Variants in SHC3 observed in about 807,000 individuals in gnomAD.
The protein encoded by SHC3 is SHC-transforming protein 3.
In SHC3, 15 loss-of-function variants were observed where a neutral mutation model predicts 60.4. The ratio of observed to expected loss-of-function variants is 0.25; its 90% confidence interval spans 0.17 to 0.38. The LOEUF is 0.38. Among genes scored for constraint, SHC3 ranks in the 10% least tolerant of loss-of-function variants. The probability of loss-of-function intolerance (pLI) is 1.00; values close to 1 mark genes in which losing one functional copy is unlikely to be tolerated. For missense variants in SHC3, 677 were observed against 786.1 expected (o/e 0.86, Z 1.66); for synonymous variants, 294 against 325.9 (o/e 0.90, Z 1.05).
chr9:89,056,270 G>A (rs528931450), intron 6 of SHC3, among the ~76,000 whole-genome samples: 39 of 152,032 alleles, frequency 2.6e-4, no homozygotes, highest in African/African-American at 8.2e-4. Context: ...TTTTGAGATG[G>A]AGTTTCACTC....
intron 1 of SHC3, among the ~76,000 whole-genome samples, chr9:89,143,169 T>C (rs1826419924): frequency 6.6e-6 from 1 of 152,210 alleles, no homozygotes. Flanking sequence ...TTTATGGTTA[T>C]TTCTTGATGA....
rs568512794 is a variant in SHC3 at position 89,069,483 on chromosome 9, C to T, written c.783+1716G>A. Among the ~76,000 whole-genome samples, 20 of 152,296 alleles carry T rather than the reference C, an allele frequency of 1.3e-4. No homozygotes were observed. The South Asian group carries it at 2.7e-3, about 21-fold the overall frequency. On this transcript the variant is annotated intron_variant, in intron 5 of 11. Transcript: ENST00000375835. The stretch of plus-strand genomic sequence containing the variant: ...TGTGGTTGACTTTTGACAAGAAGAT[C>T]GAAAGTATGAAAACAAGGCCCAAGC...
intron 1 of SHC3, among the ~76,000 whole-genome samples, chr9:89,161,137 T>C (rs1466060270): frequency 2.0e-5 from 3 of 152,144 alleles, no homozygotes; most frequent in Non-Finnish European, 4.4e-5. Flanking sequence ...CCAAATCTCA[T>C]GTTGAAATAT....
chr9:89,129,286 G>A (rs1056808596), intron 1 of SHC3, among the ~76,000 whole-genome samples: 1 of 152,200 alleles, frequency 6.6e-6, no homozygotes, highest in Non-Finnish European at 1.5e-5. Flanking sequence ...TCTGATTGGT[G>A]TACCTGAAAG....
chr9:89,162,345 C>T (rs1481399258), intron 1 of SHC3, among the ~76,000 whole-genome samples: 1 of 152,094 alleles, frequency 6.6e-6, no homozygotes, highest in African/African-American at 2.4e-5. Context: ...TCAAACTATA[C>T]TACAAGGCTA....
intron 6 of SHC3, among the ~76,000 whole-genome samples, chr9:89,059,734 G>C (rs1215510505): frequency 5.6e-5 from 4 of 71,398 alleles, no homozygotes; most frequent in Non-Finnish European, 8.9e-5. Flanking sequence ...CAGGACGGTG[G>C]TGGAGGACGT....
At chr9:89,140,918 T>G (rs998235772) in intron 1 of SHC3, among the ~76,000 whole-genome samples, 15 of 152,186 alleles carry the variant, frequency 9.9e-5, no homozygotes, top group African/African-American at 3.6e-4. Flanking sequence ...GGGAAAAAGA[T>G]AAAGCCCTTT....
chr9:89,087,036 A>T (rs1446168100), intron 2 of SHC3, among the ~76,000 whole-genome samples: 1 of 152,126 alleles, frequency 6.6e-6, no homozygotes. Context: ...CGTGGGTTCC[A>T]CCATGCATGC....
intron 1 of SHC3, among the ~76,000 whole-genome samples, chr9:89,130,995 A>G (rs1334363931): frequency 6.6e-6 from 1 of 152,198 alleles, no homozygotes; most frequent in East Asian, 1.9e-4. Context: ...GATCAACAAA[A>G]TTGATAGACC....
rs369540659 is a variant in SHC3, at chr9:89,089,993, C to T, written c.546-12090G>A. Among the ~76,000 whole-genome samples the T allele has an allele frequency of 8.5e-5, 13 of 152,338 alleles. 1 individual carries two copies. The highest frequency in any genetic ancestry group is 2.9e-4 in the African/African-American group (12 of 41,578). ...TTACCTGCCCTGCCTTTAAAAACCA[C>T]CCATGCACATCCTCAGGCCCACGAG... On this transcript the variant is annotated intron_variant, in intron 2 of 11. Coordinates refer to ENST00000375835, the MANE Select transcript of SHC3 (RefSeq NM_016848.6).
At chr9:89,095,412 T>G (rs183507004) in intron 2 of SHC3, among the ~76,000 whole-genome samples, 1 of 152,168 alleles carries the variant, frequency 6.6e-6, no homozygotes, top group African/African-American at 2.4e-5. Context: ...GTCAAATTCA[T>G]AGAGACAGAA....
intron 6 of SHC3, among the ~76,000 whole-genome samples, chr9:89,063,032 G>A (rs1441956602): frequency 6.6e-6 from 1 of 152,208 alleles, no homozygotes; most frequent in Admixed American, 6.5e-5. Flanking sequence ...CTCACACATG[G>A]TGAAAGCAGG....
At chr9:89,102,275 T>G (rs1395041473) in intron 2 of SHC3, among the ~76,000 whole-genome samples, 1 of 152,188 alleles carries the variant, frequency 6.6e-6, no homozygotes, top group African/African-American at 2.4e-5. Flanking sequence ...CCACCTTTGG[T>G]TTTCAATATT....
At chr9:89,102,431 A>C (rs1825796220) in intron 2 of SHC3, among the ~76,000 whole-genome samples, 1 of 152,214 alleles carries the variant, frequency 6.6e-6, no homozygotes, top group African/African-American at 2.4e-5. Flanking sequence ...GAATTTGAAG[A>C]AAATTTTAGG....
chr9:89,016,978 T>A (rs1050988843), intron 11 of SHC3, among the ~76,000 whole-genome samples: 1 of 152,188 alleles, frequency 6.6e-6, no homozygotes, highest in Non-Finnish European at 1.5e-5. Context: ...AGATTTTTTC[T>A]TTTAAAAAAA....
At chr9:89,024,999 T>C (rs1771892259) in intron 11 of SHC3, among the ~76,000 whole-genome samples, 1 of 152,188 alleles carries the variant, frequency 6.6e-6, no homozygotes, top group African/African-American at 2.4e-5. Flanking sequence ...GGGCTTCAAT[T>C]GCCTGGGAAA....
chr9:89,072,764 G>A (rs1825295200), intron 4 of SHC3, among the ~76,000 whole-genome samples: 1 of 152,190 alleles, frequency 6.6e-6, no homozygotes, highest in Non-Finnish European at 1.5e-5. Flanking sequence ...GTTTAGTTCT[G>A]CAGAGTCCCC....
At position 89,005,996 on chromosome 9, in the gene SHC3, A is replaced by T. The variant is rs1050121437; in HGVS notation, c.*7451T>A. The stretch of plus-strand genomic sequence containing the variant: ...CTACAAGTGCAAAACTGCAACACCC[A>T]AATGTTTTTAGTATCTAAGTCAGAT... On this transcript the variant is annotated 3_prime_UTR_variant, in exon 12 of 12. Coordinates refer to ENST00000375835, the MANE Select transcript of SHC3 (RefSeq NM_016848.6). The T allele has an allele frequency of 6.6e-6, 1 of 152,272 alleles. No homozygotes were observed. Among genetic ancestry groups the T allele is most frequent in the African/African-American group, 2.4e-5 (1 of 41,474 alleles). 9.4% of individuals were successfully genotyped at this position (152,272 alleles called of 1,614,324 possible).
At chr9:89,142,490 C>G (rs899675054) in intron 1 of SHC3, among the ~76,000 whole-genome samples, 2 of 151,760 alleles carry the variant, frequency 1.3e-5, no homozygotes, top group African/African-American at 4.8e-5. Context: ...CAAAACCAGC[C>G]TGGCCAACAT....
Sources: gnomAD v4.1 joint callset for allele counts (sites outside exome capture counted in the v4.1 genomes callset) on GRCh38, gnomAD v4.1.1 for gene constraint, MANE v1.5 for transcripts, NCBI Gene and HGNC (gene_info 2026-07-23, HGNC 2026-07-21) for gene names.